Variants in AZU1 observed in about 807,000 individuals in gnomAD.
AZU1 encodes the protein azurocidin.
In AZU1, 21 loss-of-function variants were observed where a neutral mutation model predicts 17.8. The observed-to-expected ratio is 1.18, with a 90% CI of 0.84 to 1.70. The LOEUF (loss-of-function observed/expected upper bound fraction) is 1.70. AZU1 is among the 40% of genes most tolerant of loss of function. The pLI is 0.00. For missense variants in AZU1, 379 were observed against 362.9 expected, an observed-to-expected ratio of 1.04 and a Z score of -0.36; for synonymous variants, 178 against 155.2, an observed-to-expected ratio of 1.15 and a Z score of -1.09.
chr19:829,523 C>G, intron 2 of AZU1, 39 bp from the exon 3 acceptor site: 1 of 1,604,538 alleles, frequency 6.2e-7, no homozygotes, highest in Non-Finnish European at 8.5e-7. Flanking sequence ...AGGCCCCAGC[C>G]TGGTGTCCTC....
chr19:831,078 A>ATAT, intron 4 of AZU1, 137 bp downstream of exon 4: 1 of 704,032 alleles, frequency 1.4e-6, no homozygotes, highest in Non-Finnish European at 2.3e-6. Context: ...GAGAAACAGT[A>ATAT]TCTTTTTTTT....
In AZU1 at chr19:830,925, G is replaced by A. The variant is rs138374662; in HGVS notation, c.578G>A (p.Arg193His). Residue 193 changes from arginine (R) to histidine (H), a missense_variant, in exon 4 of 5, where the codon CGC becomes CAC. Transcript: ENST00000233997. Reference protein sequence around the residue: ...NNVCTGVLTRRGGICNGDGGT... With the variant: ...NNVCTGVLTRHGGICNGDGGT... ...GTGTGCACCGGTGTGCTCACCCGCC[G>A]CGGTGGCATCTGCAATGTGAGTGCT... The A allele has an allele frequency of 1.6e-5, 26 of 1,602,042 alleles. No homozygotes were observed. Among genetic ancestry groups the A allele is most frequent in the Non-Finnish European group, 1.9e-5 (23 of 1,179,928 alleles).
In AZU1 at chr19:829,672, C is replaced by T. The variant is rs1440863380; in HGVS notation, c.326C>T (p.Pro109Leu). Residue 109 changes from proline (P) to leucine (L), a missense_variant, in exon 3 of 5, where the codon CCC becomes CTC. Transcript: ENST00000233997. ...AGCATGAGCGAGAATGGCTACGACC[C>T]CCAGCAGAACCTGAACGACCTGATG... ...ISSMSENGYD[P>L]QQNLNDLMLL... 1 of 1,613,384 alleles carries T rather than the reference C, an allele frequency of 6.2e-7. No individual in the cohort carries two copies. The highest frequency in any genetic ancestry group is 8.5e-7 in the Non-Finnish European group (1 of 1,179,942).
rs2035277530 is a variant in AZU1, at chr19:830,764, G to A, written c.417G>A (p.Gln139=). 1.2e-6 allele frequency: 2 copies of A among 1,603,602 alleles called. No individual in the cohort carries two copies. The highest frequency in any genetic ancestry group is 1.7e-6 in the Non-Finnish European group (2 of 1,179,444). ...TGACGATACTGCCACTGCCTCTGCAGAACGCCACGGTGGAAGCCGGCACCA... is the reference window on the plus strand; with the variant it reads ...TGACGATACTGCCACTGCCTCTGCAAAACGCCACGGTGGAAGCCGGCACCA... ...SSVTILPLPL[Q]NATVEAGTRC... Residue 139 remains glutamine, a synonymous_variant, in exon 4 of 5, where the codon CAG becomes CAA. Transcript: ENST00000233997.
intron 4 of AZU1, 53 bp downstream of exon 4, chr19:830,994 G>A (rs776211421): frequency 3.0e-5 from 46 of 1,546,958 alleles, no homozygotes; most frequent in Non-Finnish European, 3.7e-5. Context: ...TGAGCTCTCC[G>A]TGGCAGGAGA....
chr19:829,421 C>T (rs1264399482), intron 2 of AZU1, 141 bp from the exon 3 acceptor site: 3 of 1,212,948 alleles, frequency 2.5e-6, no homozygotes, highest in African/African-American at 1.5e-5. Context: ...CTCGGCTCTG[C>T]TTCTGTAAAA....
intron 3 of AZU1, among the ~76,000 whole-genome samples, chr19:830,444 TA>T (rs1277314526): frequency 2.0e-5 from 3 of 152,126 alleles, no homozygotes; most frequent in African/African-American, 7.2e-5. Context: ...AAAATATCAT[TA>T]AAAAATTTAA....
chr19:831,008 C>A, intron 4 of AZU1, 67 bp downstream of exon 4: 1 of 1,496,802 alleles, frequency 6.7e-7, no homozygotes. Context: ...CAGGAGAAAG[C>A]AAGTGCAGGC....
At chr19:828,685 A>G (rs2035245457) in intron 2 of AZU1, among the ~76,000 whole-genome samples, 2 of 118,670 alleles carry the variant, frequency 1.7e-5, no homozygotes, top group African/African-American at 6.5e-5. Context: ...AGGGGGTCAG[A>G]TGGGGGAGGC....
rs764755144 is a variant in AZU1 at position 828,268 on chromosome 19, G to T, written c.97G>T (p.Ala33Ser). Residue 33 changes from alanine to serine, a missense_variant, in exon 2 of 5, where the codon GCG (alanine) becomes TCG (serine). Ala to Ser is a moderately conservative substitution (Grantham distance 99). Transcript: ENST00000233997. ...PLLDIVGGRK[A>S]RPRQFPFLAS... ...TTTGGACATCGTTGGCGGCCGGAAGGCGAGGCCCCGCCAGTTCCCGTTCCT... is the reference window on the plus strand; with the variant it reads ...TTTGGACATCGTTGGCGGCCGGAAGTCGAGGCCCCGCCAGTTCCCGTTCCT... 2.5e-5 allele frequency: 40 copies of T among 1,610,726 alleles called. No individual in the cohort carries two copies. The highest frequency in any genetic ancestry group is 3.1e-5 in the Non-Finnish European group (36 of 1,179,364).
chr19:828,987 G>A (rs866194617), intron 2 of AZU1, among the ~76,000 whole-genome samples: 88 of 104,096 alleles, frequency 8.5e-4, no homozygotes, highest in African/African-American at 3.2e-3. Context: ...GGGGTCAGAT[G>A]GGGGAGGCCC....
Position 831,889 on chromosome 19 carries a change from ACCTCCCATGGAGCCCAGCC to A in AZU1, c.*15_*33del, listed in dbSNP as rs751739143. 6.2e-7 allele frequency: 1 copy of A among 1,606,984 alleles called. No homozygotes were observed. The highest frequency in any genetic ancestry group is 1.1e-5 in the South Asian group (1 of 90,472). On this transcript the variant is annotated 3_prime_UTR_variant, in exon 5 of 5. Coordinates refer to ENST00000233997, the MANE Select transcript of AZU1 (RefSeq NM_001700.5). ...CGGGGCCAGCCTAGGGGGGCCTGTG[ACCTCCCATGGAGCCCAGCC>A]CCGCCCTCCACACCTCCGGCGCTCC...
At chr19:831,647 C>A in intron 4 of AZU1, 69 bp from the exon 5 acceptor site, 1 of 1,460,558 alleles carries the variant, frequency 6.8e-7, no homozygotes, top group Non-Finnish European at 9.1e-7. Context: ...CAGCAAGAGG[C>A]CTCTGCAGTT....
chr19:831,759 G>C lies in AZU1; in HGVS notation c.638G>C (p.Gly213Ala), dbSNP rs768636849. 5.0e-6 allele frequency: 8 copies of C among 1,612,352 alleles called. No homozygotes were observed. The highest frequency in any genetic ancestry group is 6.8e-6 in the Non-Finnish European group (8 of 1,179,646). The change falls in exon 5 of 5, where the codon GGC becomes GCC. Residue 213 changes from glycine to alanine, a missense_variant. Coordinates refer to ENST00000233997, the MANE Select transcript of AZU1 (RefSeq NM_001700.5). The part of the protein sequence containing the change: ...TPLVCEGLAH[G>A]VASFSLGPCG... Reference sequence around the variant, plus strand: ...CTCGTCTGCGAGGGCCTGGCCCACGGCGTGGCCTCCTTTTCCCTGGGGCCC... The same window carrying C: ...CTCGTCTGCGAGGGCCTGGCCCACGCCGTGGCCTCCTTTTCCCTGGGGCCC...
chr19:830,515 A>G (rs2035273984), intron 3 of AZU1, among the ~76,000 whole-genome samples, 193 bp from the exon 4 acceptor site: 1 of 152,154 alleles, frequency 6.6e-6, no homozygotes, highest in African/African-American at 2.4e-5. Context: ...CCTGGCCTCA[A>G]GTGATCCACC....
In AZU1 at chr19:831,975, C is replaced by T. The variant is rs1372587765; in HGVS notation, c.*98C>T. Reference sequence around the variant, plus strand: ...GCCCCGCCCCTGCCCCCGCTCCGGCCAGAGGGGCCCTGGCTGTAATAAAGA... The same window carrying T: ...GCCCCGCCCCTGCCCCCGCTCCGGCTAGAGGGGCCCTGGCTGTAATAAAGA... On this transcript the variant is annotated 3_prime_UTR_variant, in exon 5 of 5. Transcript: ENST00000233997. The T allele has an allele frequency of 1.4e-5, 19 of 1,382,652 alleles. No homozygotes were observed. The Admixed American group carries it at 4.3e-4, about 31-fold the overall frequency. The allele number at this position is 1,382,652 out of a possible 1,614,324, so 85.6% of individuals were successfully genotyped here.
intron 4 of AZU1, 74 bp downstream of exon 4, chr19:831,015 A>C (rs1054695185): frequency 6.8e-7 from 1 of 1,464,342 alleles, no homozygotes; most frequent in Non-Finnish European, 9.3e-7. Flanking sequence ...AAGCAAGTGC[A>C]GGCTGAGGGC....
chr19:831,704 C>A lies in AZU1; in HGVS notation c.595-12C>A. 6.3e-7 allele frequency: 1 copy of A among 1,589,512 alleles called. No individual in the cohort carries two copies. Among genetic ancestry groups the A allele is most frequent in the Non-Finnish European group, 8.6e-7 (1 of 1,169,236 alleles). ...GCCCTGGGACGCCCTGACACAGCTG[C>A]TGCCTGCCCAGGGGGACGGGGGCAC... On this transcript the variant is annotated splice_polypyrimidine_tract_variant and intron_variant, in intron 4 of 4. Transcript: ENST00000233997.
In AZU1 at chr19:829,232, T is replaced by TAGAGGAGGCGCAGAG. The variant is rs2035254999; in HGVS notation, c.216-329_216-328insGAGGAGGCGCAGAGA. ...GGGGGTCAGATGGGGGAGGCCCAGA[T>TAGAGGAGGCGCAGAG]AAGGGAAGGGGCTCAGATGGAGGAG... On this transcript the variant is annotated intron_variant, in intron 2 of 4. Coordinates refer to ENST00000233997, the MANE Select transcript of AZU1 (RefSeq NM_001700.5). 1.9e-4 allele frequency among the ~76,000 whole-genome samples: 2 copies of TAGAGGAGGCGCAGAG among 10,560 alleles called. 1 individual carries two copies. Among genetic ancestry groups the TAGAGGAGGCGCAGAG allele is most frequent in the Non-Finnish European group, 3.2e-4 (2 of 6,346 alleles). 6.9% of individuals were successfully genotyped at this position (10,560 alleles called of 152,430 possible).
Sources: gnomAD v4.1 joint callset for allele counts (sites outside exome capture counted in the v4.1 genomes callset) on GRCh38, gnomAD v4.1.1 for gene constraint, MANE v1.5 for transcripts, NCBI Gene and HGNC (gene_info 2026-07-23, HGNC 2026-07-21) for gene names.